PER3: variants seen among roughly 807,000 people sequenced by gnomAD.
PER3 encodes the protein period circadian protein homolog 3.
In PER3, 107 loss-of-function variants were observed where a neutral mutation model predicts 127.2. The observed-to-expected ratio is 0.84, with a 90% CI of 0.72 to 0.99. PER3 has a LOEUF of 0.99. PER3 is among the 50% of genes least tolerant of loss of function. The pLI is 0.00. For synonymous variants in PER3, 618 were observed against 585.8 expected (o/e 1.05, Z -0.79); for missense variants, 1,560 against 1,525.8 (o/e 1.02, Z -0.37).
chr1:7,796,738 C>T (rs894600239), intron 6 of PER3, among the ~76,000 whole-genome samples: 14 of 152,176 alleles, frequency 9.2e-5, no homozygotes, highest in Middle Eastern at 3.4e-3. Flanking sequence ...TATAGGCCAG[C>T]GTTCCGGGGG....
rs761185061 is a variant in PER3 at position 7,785,451 on chromosome 1, G to T, written c.139G>T (p.Asp47Tyr). The change falls in exon 3 of 22, where the codon GAT (aspartate) becomes TAT (tyrosine). Residue 47 changes from aspartate (D) to tyrosine (Y), a missense_variant. Asp to Tyr is a radical substitution (Grantham distance 160). Transcript: ENST00000377532. ...LADSSHSEQQ[D>Y]RNRVSEELIM... ...TTTTTTATCTTCCAGTGAACAGCAA[G>T]ATCGAAACAGAGTTTCTGAAGAACT... 5.6e-6 allele frequency: 9 copies of T among 1,612,544 alleles called. No homozygotes were observed. The highest frequency in any genetic ancestry group is 6.8e-6 in the Non-Finnish European group (8 of 1,178,630).
chr1:7,841,046 C>A (rs1256355049), intron 21 of PER3, among the ~76,000 whole-genome samples: 1 of 152,150 alleles, frequency 6.6e-6, no homozygotes, highest in Non-Finnish European at 1.5e-5. Context: ...TTTTGGCTTC[C>A]CTGGGCCACA....
chr1:7,827,712 G>A lies in PER3; in HGVS notation c.2783G>A (p.Arg928Lys). The A allele has an allele frequency of 1.9e-6, 3 of 1,614,142 alleles. No homozygotes were observed. The highest frequency in any genetic ancestry group is 2.5e-6 in the Non-Finnish European group (3 of 1,180,030). Residue 928 changes from arginine to lysine, a missense_variant, in exon 18 of 22, where the codon AGA (arginine) becomes AAA (lysine). Coordinates refer to ENST00000377532, the MANE Select transcript of PER3 (RefSeq NM_001377275.1). ...GAGGGGCACCCGTTCATTACTTCGA[G>A]AAGCAGCTCACCCTTGCAGTTAAAC... ...QSEGHPFITS[R>K]SSSPLQLNLL...
chr1:7,809,761 A>G, intron 11 of PER3, 132 bp from the exon 12 acceptor site: 2 of 822,172 alleles, frequency 2.4e-6, no homozygotes, highest in South Asian at 3.9e-5. Flanking sequence ...CATTAAAAGT[A>G]CCAACCTGCA....
In PER3 at chr1:7,786,774, G is replaced by A. The variant is rs771418846; in HGVS notation, c.328G>A (p.Val110Met). ...TCAGAATGGAGCACCTCAGGCAGAT[G>A]TGAGCATGTACAGTCTTGAGGAGCT... ...LSQNGAPQAD[V>M]SMYSLEELAT... is the part of the protein sequence containing the mutation. Residue 110 changes from valine (V) to methionine (M), a missense_variant, in exon 4 of 22, where the codon GTG becomes ATG. This residue lies in a region of PER3 where 1,332 missense variants were observed against 1,223.6 expected (regional missense o/e 1.09). Transcript: ENST00000377532. 3 of 1,612,888 alleles carry A rather than the reference G, an allele frequency of 1.9e-6. No individual in the cohort carries two copies. In the Admixed American group the frequency reaches 5.0e-5, roughly 27 times the overall value.
In PER3 at chr1:7,841,740, A is replaced by G. The variant is rs140496512; in HGVS notation, c.3550-932A>G. 3.6e-3 allele frequency among the ~76,000 whole-genome samples: 550 copies of G among 152,282 alleles called. 2 individuals carry two copies. Among genetic ancestry groups the G allele is most frequent in the Non-Finnish European group, 5.7e-3 (390 of 68,010 alleles). On this transcript the variant is annotated intron_variant, in intron 21 of 21. Transcript: ENST00000377532. ...AAGAATGAGTGTCTGTCATGTAAGA[A>G]TGGCTGGGTAGGGTCTCACCAAAAA...
intron 12 of PER3, 195 bp from the exon 13 acceptor site, chr1:7,810,243 A>G: frequency 3.2e-6 from 2 of 623,708 alleles, no homozygotes; most frequent in East Asian, 2.8e-5. Context: ...AAATTAGCAT[A>G]TTGTGAACAG....
chr1:7,793,536 A>G (rs376160870), intron 5 of PER3, among the ~76,000 whole-genome samples: 15 of 152,342 alleles, frequency 9.8e-5, no homozygotes, highest in African/African-American at 2.2e-4. Flanking sequence ...AGAAAATTAT[A>G]TATCGTATAG....
intron 13 of PER3, among the ~76,000 whole-genome samples, chr1:7,811,267 C>A (rs181886183): frequency 6.6e-6 from 1 of 152,116 alleles, no homozygotes; most frequent in Non-Finnish European, 1.5e-5. Context: ...ATGTTATTAA[C>A]CTCTATCATT....
intron 7 of PER3, 81 bp downstream of exon 7, chr1:7,798,754 A>G (rs2097157207): frequency 1.7e-6 from 2 of 1,174,714 alleles, no homozygotes; most frequent in African/African-American, 3.0e-5. Context: ...TCATAGAACA[A>G]CAAAAAGAGC....
In PER3 at chr1:7,808,929, T is replaced by A; in HGVS notation, c.1173T>A (p.Ile391=). ...PLNEDVFATK[I]KKMNDNDKDI... is the part of the protein sequence containing the mutation. Reference sequence around the variant, plus strand: ...ATGAGGATGTTTTTGCTACCAAAATTAAAAAGATGAACGATAATGACAAAG... The same window carrying A: ...ATGAGGATGTTTTTGCTACCAAAATAAAAAAGATGAACGATAATGACAAAG... Residue 391 remains isoleucine, a synonymous_variant, in exon 11 of 22, where the codon ATT becomes ATA. Coordinates refer to ENST00000377532, the MANE Select transcript of PER3 (RefSeq NM_001377275.1). 2 of 1,602,406 alleles carry A rather than the reference T, an allele frequency of 1.2e-6. No homozygotes were observed. Among genetic ancestry groups the A allele is most frequent in the Non-Finnish European group, 1.7e-6 (2 of 1,170,158 alleles).
intron 7 of PER3, 73 bp downstream of exon 7, chr1:7,798,746 A>C: frequency 7.9e-7 from 1 of 1,272,754 alleles, no homozygotes; most frequent in Non-Finnish European, 1.1e-6. Flanking sequence ...TACGTCAGTC[A>C]TAGAACAACA....
chr1:7,803,869 A>G (rs767355809), intron 10 of PER3, 21 bp downstream of exon 10: 1 of 1,595,726 alleles, frequency 6.3e-7, no homozygotes, highest in Non-Finnish European at 8.6e-7. Flanking sequence ...CAGTTTTCAT[A>G]TTTTCTAAAA....
chr1:7,810,548 C>T lies in PER3; in HGVS notation c.1482C>T (p.Arg494=), dbSNP rs1488424298. The change falls in exon 13 of 22, where the codon CGC becomes CGT. Residue 494 remains arginine (R), a synonymous_variant. Coordinates refer to ENST00000377532, the MANE Select transcript of PER3 (RefSeq NM_001377275.1). ...CATTCAAGCCAGTGACGGGGACACG[C>T]ACAGAACCGAATGGTGGTGGTGAGT... ...KSSFKPVTGT[R]TEPNGGGESA... The T allele has an allele frequency of 6.2e-7, 1 of 1,613,400 alleles. No homozygotes were observed. The highest frequency in any genetic ancestry group is 1.3e-5 in the African/African-American group (1 of 74,892).
intron 19 of PER3, among the ~76,000 whole-genome samples, chr1:7,834,068 G>A (rs1056427566): frequency 4.6e-5 from 7 of 151,932 alleles, no homozygotes; most frequent in African/African-American, 1.5e-4. Context: ...TACTACAGGC[G>A]TGCACCACCA....
intron 7 of PER3, 41 bp from the exon 8 acceptor site, chr1:7,801,072 G>T: frequency 8.9e-7 from 1 of 1,126,382 alleles, no homozygotes; most frequent in Non-Finnish European, 1.3e-6. Context: ...TAATTAATTA[G>T]ATATTTGCCT....
Position 7,794,036 on chromosome 1 carries a change from C to A in PER3, c.644+28C>A, listed in dbSNP as rs771136768. On this transcript the variant is annotated intron_variant, in intron 6 of 21. Coordinates refer to ENST00000377532, the MANE Select transcript of PER3 (RefSeq NM_001377275.1). Reference sequence around the variant, plus strand: ...AAGTATAGTGGCTCGTGGAAGCCAGCAACAGTGGATTATGTTCTGAGTTTA... The same window carrying A: ...AAGTATAGTGGCTCGTGGAAGCCAGAAACAGTGGATTATGTTCTGAGTTTA... The A allele has an allele frequency of 1.9e-6, 3 of 1,577,020 alleles. No individual in the cohort carries two copies. The East Asian group carries it at 6.7e-5, about 35-fold the overall frequency.
intron 21 of PER3, among the ~76,000 whole-genome samples, chr1:7,838,902 C>G (rs959682410): frequency 7.9e-5 from 12 of 152,276 alleles, no homozygotes; most frequent in African/African-American, 2.9e-4. Flanking sequence ...CAGTCAATCT[C>G]TGTCTTTTGA....
chr1:7,798,454 C>A, intron 6 of PER3, 71 bp from the exon 7 acceptor site: 2 of 1,178,324 alleles, frequency 1.7e-6, no homozygotes, highest in South Asian at 1.5e-5. Flanking sequence ...TAAAATATTT[C>A]TCCCAGCCTT....
Sources: gnomAD v4.1 joint callset for allele counts (sites outside exome capture counted in the v4.1 genomes callset) on GRCh38, gnomAD v4.1.1 for gene constraint, gnomAD v4.1.1 regional missense constraint, MANE v1.5 for transcripts, NCBI Gene and HGNC (gene_info 2026-07-23, HGNC 2026-07-21) for gene names.